The following DPYD variants were observed in gnomAD, a reference collection of about 807,000 sequenced individuals.
DPYD encodes dihydropyrimidine dehydrogenase [NADP(+)].
Under a neutral mutation model 116.2 loss-of-function variants are expected in DPYD, and 109 were observed. That is an observed-to-expected ratio of 0.94 (90% confidence interval 0.80 to 1.10). The LOEUF (loss-of-function observed/expected upper bound fraction) is 1.10. DPYD is among the 50% of genes least tolerant of loss of function. The pLI is 0.00. For synonymous variants in DPYD, 440 were observed against 432.0 expected (o/e 1.02, Z -0.23); for missense variants, 1,302 against 1,254.5 (o/e 1.04, Z -0.57).
chr1:97,698,265 A>G (rs899259771), intron 6 of DPYD, among the ~76,000 whole-genome samples: 6 of 151,892 alleles, frequency 4.0e-5, no homozygotes, highest in Non-Finnish European at 7.4e-5. Flanking sequence ...TCAGTCAAAT[A>G]AGATTATATT....
intron 20 of DPYD, among the ~76,000 whole-genome samples, chr1:97,129,957 C>T (rs1048962605): frequency 2.0e-5 from 3 of 151,940 alleles, no homozygotes; most frequent in African/African-American, 4.8e-5. Flanking sequence ...TGGTCCATAC[C>T]CTGACATTTC....
intron 11 of DPYD, among the ~76,000 whole-genome samples, chr1:97,556,504 C>T (rs1370536103): frequency 9.6e-6 from 1 of 103,800 alleles, no homozygotes; most frequent in Non-Finnish European, 1.9e-5. Context: ...ATCCCTCCCC[C>T]CTCCCCCCAC....
Position 97,472,003 on chromosome 1 carries a change from T to G in DPYD, c.1741-21780A>C, listed in dbSNP as rs116383439. Among the ~76,000 whole-genome samples, 365 of 152,236 alleles carry G rather than the reference T, an allele frequency of 2.4e-3. 6 individuals are homozygous for G. The highest frequency in any genetic ancestry group is 8.2e-3 in the African/African-American group (342 of 41,536). On this transcript the variant is annotated intron_variant, in intron 13 of 22. Transcript: ENST00000370192. ...ACAGGTTTAGAGACTTAAAGACAGGTCATATGAGAAACAGTTAAAAGAAAC... is the reference window on the plus strand; with the variant it reads ...ACAGGTTTAGAGACTTAAAGACAGGGCATATGAGAAACAGTTAAAAGAAAC...
intron 3 of DPYD, among the ~76,000 whole-genome samples, chr1:97,804,186 G>C (rs149851782): frequency 4.0e-5 from 6 of 151,582 alleles, no homozygotes; most frequent in Non-Finnish European, 7.4e-5. Flanking sequence ...GGAAAAACAA[G>C]AGCCTATGTA....
intron 8 of DPYD, among the ~76,000 whole-genome samples, chr1:97,670,395 C>T (rs1038812189): frequency 6.6e-6 from 1 of 152,074 alleles, no homozygotes; most frequent in Non-Finnish European, 1.5e-5. Flanking sequence ...AGGTGGGGCC[C>T]CCATCATGGG....
chr1:97,217,482 C>G (rs1660487684), intron 19 of DPYD, among the ~76,000 whole-genome samples: 1 of 152,092 alleles, frequency 6.6e-6, no homozygotes, highest in Non-Finnish European at 1.5e-5. Context: ...GTTGTGATTT[C>G]TAAGTGTTTT....
chr1:97,842,217 A>G (rs1177161071), intron 2 of DPYD, among the ~76,000 whole-genome samples: 1 of 151,970 alleles, frequency 6.6e-6, no homozygotes, highest in Admixed American at 6.5e-5. Context: ...CGATATATAA[A>G]GTAACATTTT....
chr1:97,776,852 C>T lies in DPYD; in HGVS notation c.234-36373G>A, dbSNP rs562051290. On this transcript the variant is annotated intron_variant, in intron 3 of 22. Coordinates refer to ENST00000370192, the MANE Select transcript of DPYD (RefSeq NM_000110.4). ...TTATGGAAATTCTTTTTGATGTATA[C>T]TTAGTGTATTTTTCTTTAGGACTTT... Among the ~76,000 whole-genome samples the T allele has an allele frequency of 6.6e-5, 10 of 152,156 alleles. No individual in the cohort carries two copies. In the South Asian group the frequency reaches 1.9e-3, roughly 28 times the overall value.
chr1:97,819,134 C>T (rs1236747413), intron 3 of DPYD, among the ~76,000 whole-genome samples: 1 of 151,832 alleles, frequency 6.6e-6, no homozygotes, highest in Non-Finnish European at 1.5e-5. Flanking sequence ...ATCAAAGAAC[C>T]TGCTCTGGAC....
At chr1:97,679,406 G>A (rs1450907354) in intron 7 of DPYD, among the ~76,000 whole-genome samples, 2 of 152,172 alleles carry the variant, frequency 1.3e-5, no homozygotes, top group Non-Finnish European at 2.9e-5. Flanking sequence ...AGAAAAGCCA[G>A]TGTCATTAAA....
At chr1:97,177,456 A>G (rs1328587306) in intron 20 of DPYD, among the ~76,000 whole-genome samples, 1 of 152,168 alleles carries the variant, frequency 6.6e-6, no homozygotes, top group Non-Finnish European at 1.5e-5. Context: ...TCTAACCTTG[A>G]GTAGCTGAAG....
intron 21 of DPYD, among the ~76,000 whole-genome samples, chr1:97,092,147 T>C (rs909267813): frequency 6.6e-6 from 1 of 152,204 alleles, no homozygotes; most frequent in Non-Finnish European, 1.5e-5. Context: ...CTTGTCACCA[T>C]CTGACATATT....
intron 14 of DPYD, among the ~76,000 whole-genome samples, chr1:97,424,213 A>G (rs553681185): frequency 3.9e-5 from 6 of 152,110 alleles, no homozygotes; most frequent in Non-Finnish European, 8.8e-5. Context: ...GGATATGTGG[A>G]AAGGATATGT....
intron 5 of DPYD, among the ~76,000 whole-genome samples, chr1:97,714,674 A>C (rs951519864): frequency 4.7e-5 from 7 of 149,872 alleles, no homozygotes; most frequent in Non-Finnish European, 7.4e-5. Flanking sequence ...AAAAAAAAAA[A>C]CAACTAAGCC....
intron 18 of DPYD, among the ~76,000 whole-genome samples, chr1:97,259,208 T>C (rs534128141): frequency 2.1e-4 from 32 of 152,220 alleles, no homozygotes; most frequent in African/African-American, 7.0e-4. Context: ...TATTTATAAA[T>C]AGGATCCTAG....
chr1:97,312,367 A>G (rs530652957), intron 16 of DPYD, among the ~76,000 whole-genome samples: 22 of 151,996 alleles, frequency 1.4e-4, no homozygotes, highest in Non-Finnish European at 2.8e-4. Context: ...TAATATGTAT[A>G]AAAATGTAAA....
intron 2 of DPYD, among the ~76,000 whole-genome samples, chr1:97,879,056 G>T (rs570257307): frequency 3.3e-5 from 5 of 152,016 alleles, no homozygotes; most frequent in Non-Finnish European, 7.4e-5. Context: ...TACTAAAAGA[G>T]CTCTCTGGCA....
At chr1:97,831,188 CAT>C (rs547240704) in intron 2 of DPYD, among the ~76,000 whole-genome samples, 93 of 152,326 alleles carry the variant, frequency 6.1e-4, no homozygotes, top group African/African-American at 2.0e-3. Flanking sequence ...GTAACAGACA[CAT>C]GATTTGAATT....
chr1:97,898,660 G>A (rs7553077), intron 1 of DPYD, among the ~76,000 whole-genome samples: 3,009 of 151,976 alleles, frequency 0.02, 91 homozygotes, highest in African/African-American at 0.065. Context: ...TGGTTTGACT[G>A]TGTCCCCAAC....
Sources: allele counts gnomAD v4.1 joint callset (sites outside exome capture counted in the v4.1 genomes callset), GRCh38; gene constraint gnomAD v4.1.1; transcripts MANE v1.5; gene names NCBI Gene and HGNC (gene_info 2026-07-23, HGNC 2026-07-21).